Variants in TTC29 observed in about 807,000 individuals in gnomAD.
TTC29 encodes tetratricopeptide repeat domain 29, also known as tetratricopeptide repeat protein 29.
In TTC29, 49 loss-of-function variants were observed where a neutral mutation model predicts 58.1. That is an observed-to-expected ratio of 0.84 (90% confidence interval 0.67 to 1.07). The LOEUF (loss-of-function observed/expected upper bound fraction) is 1.07. Among genes scored for constraint, TTC29 ranks in the 50% least tolerant of loss-of-function variants. TTC29 has a pLI of 0.00. For missense variants in TTC29, 582 were observed against 555.6 expected (o/e 1.05, Z -0.48); for synonymous variants, 209 against 196.8 (o/e 1.06, Z -0.52).
chr4:146,796,066 G>A (rs191180393), intron 11 of TTC29, among the ~76,000 whole-genome samples: 12 of 152,230 alleles, frequency 7.9e-5, no homozygotes, highest in African/African-American at 2.9e-4. Flanking sequence ...AGCAATTAAA[G>A]ACAAAGTTGA....
intron 4 of TTC29, among the ~76,000 whole-genome samples, chr4:146,921,113 G>A (rs58778965): frequency 1.4e-4 from 21 of 151,322 alleles, no homozygotes; most frequent in Non-Finnish European, 1.8e-4. Context: ...GTAAGTGTGC[G>A]CTGCGCACAT....
At chr4:146,897,328 A>G (rs1005715758) in intron 6 of TTC29, among the ~76,000 whole-genome samples, 18 of 152,192 alleles carry the variant, frequency 1.2e-4, no homozygotes, top group African/African-American at 4.3e-4. Context: ...GCAAAGCTCC[A>G]TAGAAACTAG....
intron 11 of TTC29, among the ~76,000 whole-genome samples, chr4:146,772,296 T>C (rs1376890501): frequency 3.3e-5 from 5 of 152,192 alleles, no homozygotes; most frequent in Non-Finnish European, 5.9e-5. Context: ...GCAATTGCTT[T>C]TGGCATCTCT....
At chr4:146,718,033 A>T (rs1160586385) in intron 11 of TTC29, among the ~76,000 whole-genome samples, 1 of 152,142 alleles carries the variant, frequency 6.6e-6, no homozygotes. Flanking sequence ...ACTATTCTCC[A>T]ATTCCATCTA....
At chr4:146,805,989 G>T (rs1177707757) in intron 10 of TTC29, among the ~76,000 whole-genome samples, 1 of 152,166 alleles carries the variant, frequency 6.6e-6, no homozygotes, top group Non-Finnish European at 1.5e-5. Flanking sequence ...AGAGAGAAAG[G>T]TCGGGTTACC....
At chr4:146,929,996 T>A (rs73852797) in intron 4 of TTC29, among the ~76,000 whole-genome samples, 6 of 148,398 alleles carry the variant, frequency 4.0e-5, no homozygotes, top group Non-Finnish European at 5.9e-5. Flanking sequence ...AATACACACA[T>A]ACATATATAC....
At chr4:146,819,111 TAAAA>T (rs897486540) in intron 10 of TTC29, among the ~76,000 whole-genome samples, 8 of 145,886 alleles carry the variant, frequency 5.5e-5, no homozygotes, top group African/African-American at 2.0e-4. Flanking sequence ...ATAACAATAA[TAAAA>T]ATAAATAAAT....
intron 10 of TTC29, among the ~76,000 whole-genome samples, chr4:146,814,456 G>C (rs963561425): frequency 2.0e-5 from 3 of 151,764 alleles, no homozygotes; most frequent in African/African-American, 4.8e-5. Flanking sequence ...GGACGGGCAC[G>C]GTGGCTCATA....
chr4:146,909,867 CCTA>C (rs1384198731), intron 4 of TTC29, among the ~76,000 whole-genome samples: 1 of 152,026 alleles, frequency 6.6e-6, no homozygotes, highest in Non-Finnish European at 1.5e-5. Context: ...TGCTGAGTTT[CCTA>C]CTAAGTGCCA....
intron 11 of TTC29, among the ~76,000 whole-genome samples, chr4:146,767,300 C>T (rs1747400687): frequency 6.6e-6 from 1 of 151,896 alleles, no homozygotes; most frequent in South Asian, 2.1e-4. Context: ...TTTTCTCAAC[C>T]GTAAAATGCA....
chr4:146,832,201 G>C (rs1231901157), intron 9 of TTC29, among the ~76,000 whole-genome samples: 1 of 152,198 alleles, frequency 6.6e-6, no homozygotes, highest in East Asian at 1.9e-4. Context: ...TTTGGGCAGT[G>C]ATAACAGCAG....
chr4:146,842,486 C>T (rs1039503821), intron 8 of TTC29, among the ~76,000 whole-genome samples: 5 of 151,994 alleles, frequency 3.3e-5, no homozygotes, highest in African/African-American at 1.2e-4. Context: ...GAATGAAACC[C>T]CTACAGGTTA....
chr4:146,939,490 G>A (rs1396775850), intron 3 of TTC29, among the ~76,000 whole-genome samples: 2 of 152,038 alleles, frequency 1.3e-5, no homozygotes, highest in South Asian at 2.1e-4. Flanking sequence ...CATTCCCAAA[G>A]CTTCTGCTTT....
At chr4:146,892,223 T>C (rs144083015) in intron 6 of TTC29, among the ~76,000 whole-genome samples, 1 of 152,204 alleles carries the variant, frequency 6.6e-6, no homozygotes, top group African/African-American at 2.4e-5. Context: ...TGCTCTACCA[T>C]TTGAAGATGT....
intron 6 of TTC29, among the ~76,000 whole-genome samples, chr4:146,895,497 G>A (rs1050045102): frequency 3.3e-5 from 5 of 151,090 alleles, no homozygotes; most frequent in East Asian, 1.9e-4. Flanking sequence ...GGACATATCC[G>A]ACTGGTGAAA....
intron 6 of TTC29, among the ~76,000 whole-genome samples, chr4:146,899,742 T>C (rs1733014274): frequency 6.6e-6 from 1 of 152,216 alleles, no homozygotes; most frequent in South Asian, 2.1e-4. Context: ...TCTGTGGCTC[T>C]GGCTTCTGCT....
chr4:146,909,290 C>T, intron 4 of TTC29, 41 bp from the exon 5 acceptor site: 1 of 1,440,184 alleles, frequency 6.9e-7, no homozygotes, highest in African/African-American at 1.4e-5. Context: ...TTATGTTAAT[C>T]CTTTCAGTCT....
chr4:146,755,229 G>A (rs1003530100), intron 11 of TTC29, among the ~76,000 whole-genome samples: 2 of 152,080 alleles, frequency 1.3e-5, no homozygotes, highest in African/African-American at 4.8e-5. Context: ...AGTTGAAGAA[G>A]ACACAAATGG....
intron 4 of TTC29, among the ~76,000 whole-genome samples, chr4:146,926,122 C>T (rs771031713): frequency 3.9e-5 from 6 of 152,054 alleles, no homozygotes; most frequent in Admixed American, 1.3e-4. Flanking sequence ...GAAAACTTAA[C>T]GAGGATATAA....
Sources: allele counts gnomAD v4.1 joint callset (sites outside exome capture counted in the v4.1 genomes callset), GRCh38; gene constraint gnomAD v4.1.1; transcripts MANE v1.5; gene names NCBI Gene and HGNC (gene_info 2026-07-23, HGNC 2026-07-21).